Variants in RGS8 observed in about 807,000 individuals in gnomAD.
RGS8 encodes the protein regulator of G-protein signaling 8.
RGS8 carries 8 observed loss-of-function variants against 21.7 expected under a neutral mutation model. That is an observed-to-expected ratio of 0.37 (90% CI 0.22 to 0.66). The LOEUF (loss-of-function observed/expected upper bound fraction) is 0.66. Ranked by LOEUF, RGS8 falls within the 30% of genes least tolerant of loss-of-function variation. The pLI is 0.59. For synonymous variants in RGS8, 80 were observed against 83.6 expected (o/e 0.96, Z 0.24); for missense variants, 157 against 217.9 (o/e 0.72, Z 1.76).
At chr1:182,677,901 A>G (rs1664418950), upstream of RGS8, among the ~76,000 whole-genome samples, 1 of 152,238 alleles carries the variant, frequency 6.6e-6, no homozygotes, top group Non-Finnish European at 1.5e-5. Flanking sequence ...TTAGAGGATT[A>G]CACAGTGCTG....
intron 1 of RGS8, among the ~76,000 whole-genome samples, chr1:182,679,536 C>T (rs1664473665): frequency 6.6e-6 from 1 of 152,084 alleles, no homozygotes; most frequent in Non-Finnish European, 1.5e-5. Context: ...CTGCCTCTCT[C>T]ACCTTGCATG....
At chr1:182,710,042 G>A in the RGS8 span, among the ~76,000 whole-genome samples, 2 of 151,666 alleles carry the variant, frequency 1.3e-5, no homozygotes, top group Non-Finnish European at 2.9e-5. Flanking sequence ...AGAGAGAGAG[G>A]GCTTGATTGG....
chr1:182,711,032 G>C, the RGS8 span, among the ~76,000 whole-genome samples: 1 of 152,114 alleles, frequency 6.6e-6, no homozygotes, highest in Non-Finnish European at 1.5e-5. Context: ...TGCCGGCAAA[G>C]GACACCACTT....
the RGS8 span, among the ~76,000 whole-genome samples, chr1:182,703,352 G>A: frequency 2.0e-5 from 3 of 152,242 alleles, no homozygotes; most frequent in South Asian, 4.1e-4. Context: ...ATAACAAACT[G>A]CTCTGACCCA....
chr1:182,674,243 T>C (rs1465301205), upstream of RGS8, among the ~76,000 whole-genome samples: 2 of 152,182 alleles, frequency 1.3e-5, no homozygotes, highest in Non-Finnish European at 2.9e-5. Context: ...CAAATGGGCC[T>C]GAGTCGCAAG....
intron 2 of RGS8, among the ~76,000 whole-genome samples, 189 bp from the exon 4 acceptor site, chr1:182,669,941 A>G (rs1381409514): frequency 6.6e-6 from 1 of 152,214 alleles, no homozygotes; most frequent in Non-Finnish European, 1.5e-5. Context: ...TGGTGGCTTC[A>G]TGTTGTTGAT....
At chr1:182,750,068 A>G in the RGS8 span, among the ~76,000 whole-genome samples, 2 of 152,246 alleles carry the variant, frequency 1.3e-5, no homozygotes, top group Non-Finnish European at 2.9e-5. Context: ...GACCAAGCAC[A>G]TAGGTGCTCA....
chr1:182,679,838 A>G (rs1664484590), intron 1 of RGS8, among the ~76,000 whole-genome samples: 1 of 151,918 alleles, frequency 6.6e-6, no homozygotes, highest in Admixed American at 6.6e-5. Context: ...CGCACCCCCT[A>G]CACACACATA....
At chr1:182,731,642 T>C in the RGS8 span, among the ~76,000 whole-genome samples, 1 of 152,146 alleles carries the variant, frequency 6.6e-6, no homozygotes, top group African/African-American at 2.4e-5. Context: ...ACACAGAAAC[T>C]GCATCCCAAT....
the RGS8 span, among the ~76,000 whole-genome samples, chr1:182,750,787 A>G: frequency 3.7e-5 from 1 of 27,312 alleles, no homozygotes; most frequent in Non-Finnish European, 9.6e-5. Flanking sequence ...ATACTAGACT[A>G]GATACTATCT....
intron 1 of RGS8, among the ~76,000 whole-genome samples, chr1:182,681,615 G>A (rs898924100): frequency 1.3e-5 from 2 of 152,150 alleles, no homozygotes; most frequent in African/African-American, 4.8e-5. Context: ...GGGACTCTGG[G>A]GACAGTTCTC....
At chr1:182,669,628 G>A (rs200326046) in exon 3 of RGS8, 9 of 1,614,094 alleles carry the variant, frequency 5.6e-6, no homozygotes, top group Non-Finnish European at 7.6e-6. Context: ...CATTACCTGC[G>A]TGGCATCAGT....
the RGS8 span, among the ~76,000 whole-genome samples, chr1:182,695,702 A>G: frequency 2.0e-5 from 3 of 152,228 alleles, no homozygotes; most frequent in African/African-American, 7.2e-5. Context: ...GGGATACAGA[A>G]GTGGTTGATA....
the RGS8 span, among the ~76,000 whole-genome samples, chr1:182,725,180 A>T: frequency 6.6e-6 from 1 of 152,168 alleles, no homozygotes; most frequent in Non-Finnish European, 1.5e-5. Context: ...CAGTTTGATT[A>T]CCACATGCCA....
the RGS8 span, among the ~76,000 whole-genome samples, chr1:182,742,711 C>T: frequency 6.6e-6 from 1 of 151,712 alleles, no homozygotes; most frequent in Non-Finnish European, 1.5e-5. Flanking sequence ...TTTGGCTCGG[C>T]ATCAGAGGGA....
At chr1:182,679,750 T>A (rs1238829783) in intron 1 of RGS8, among the ~76,000 whole-genome samples, 1 of 152,052 alleles carries the variant, frequency 6.6e-6, no homozygotes, top group Admixed American at 6.6e-5. Flanking sequence ...TATATCTAAA[T>A]AATGGACACA....
intron 1 of RGS8, among the ~76,000 whole-genome samples, chr1:182,680,758 A>T (rs1415019134): frequency 2.6e-5 from 4 of 152,236 alleles, no homozygotes; most frequent in Non-Finnish European, 4.4e-5. Context: ...CTACACCTCC[A>T]AAATGTAGCA....
chr1:182,646,952 C>G, intron 6 of RGS8, 35 bp from the exon 8 acceptor site: 1 of 1,575,644 alleles, frequency 6.3e-7, no homozygotes, highest in Non-Finnish European at 8.6e-7. Flanking sequence ...GTCACAGGCC[C>G]TCAAGGGCCA....
At chr1:182,665,016 C>A (rs1221707435) in intron 5 of RGS8, among the ~76,000 whole-genome samples, 3 of 152,228 alleles carry the variant, frequency 2.0e-5, no homozygotes, top group Non-Finnish European at 4.4e-5. Context: ...AGGTCTGACT[C>A]CCACCCAGTG....
Sources: gnomAD v4.1 joint callset for allele counts (sites outside exome capture counted in the v4.1 genomes callset) on GRCh38, gnomAD v4.1.1 for gene constraint, MANE v1.5 for transcripts, NCBI Gene and HGNC (gene_info 2026-07-23, HGNC 2026-07-21) for gene names.